MED14: variants seen among roughly 807,000 people sequenced by gnomAD.
The protein encoded by MED14 is mediator complex subunit 14, also known as mediator of RNA polymerase II transcription subunit 14.
Under a neutral mutation model 109.0 loss-of-function variants are expected in MED14, and 8 were observed. The ratio of observed to expected loss-of-function variants is 0.07; its 90% CI spans 0.04 to 0.13. The LOEUF (loss-of-function observed/expected upper bound fraction) is 0.13. MED14 is among the 10% of genes least tolerant of loss of function. The probability of loss-of-function intolerance (pLI) is 1.00; values close to 1 mark genes in which losing one functional copy is unlikely to be tolerated. For missense variants in MED14, 711 were observed against 1,142.4 expected (o/e 0.62, Z 5.44); for synonymous variants, 399 against 408.7 (o/e 0.98, Z 0.29).
chrX:40,713,081 T>C (rs1931390195), intron 5 of MED14, 39 bp from the exon 6 acceptor site: 7 of 1,110,239 alleles, frequency 6.3e-6, no homozygotes, highest in Non-Finnish European at 8.4e-6. Context: ...AAGTGTACTT[T>C]GCTAGAAAAT....
chrX:40,662,519 G>T (rs1401007531), intron 26 of MED14, among the ~76,000 whole-genome samples: 2 of 111,577 alleles, frequency 1.8e-5, no homozygotes, highest in Non-Finnish European at 3.8e-5. Context: ...ACCACACCCA[G>T]CCAATTATTT....
chrX:40,654,721 ATGCAACTG>A (rs1348060797), intron 29 of MED14, among the ~76,000 whole-genome samples, 165 bp from the exon 30 acceptor site: 1 of 112,509 alleles, frequency 8.9e-6, no homozygotes, highest in African/African-American at 3.2e-5. Flanking sequence ...TATGGTTAAG[ATGCAACTG>A]TGCTACACAA....
In MED14 at chrX:40,711,729, T is replaced by C. The variant is rs1931343108; in HGVS notation, c.890-428A>G. Among the ~76,000 whole-genome samples, 4 of 109,169 alleles carry C rather than the reference T, an allele frequency of 3.7e-5. No homozygotes were observed. The Admixed American group carries it at 3.9e-4, about 11-fold the overall frequency. 94.8% of individuals were successfully genotyped at this position (109,169 alleles called of 115,157 possible). A position where few individuals can be genotyped will look rare whatever the true frequency, so the allele number is the denominator to read the frequency against. ...CCTCTGCTTCCTGGGTTCAAGCGAT[T>C]CTCCTGTCTCAGGCTCCCTAGTAGC... On this transcript the variant is annotated intron_variant, in intron 7 of 30. Coordinates refer to ENST00000324817, the MANE Select transcript of MED14 (RefSeq NM_004229.4).
intron 3 of MED14, among the ~76,000 whole-genome samples, chrX:40,720,272 A>G (rs1230953364): frequency 8.9e-6 from 1 of 112,228 alleles, no homozygotes; most frequent in Non-Finnish European, 1.9e-5. Flanking sequence ...TGAAAGAGGC[A>G]TTGAGGAGGG....
At position 40,666,941 on chromosome X, in the gene MED14, A is replaced by C. The variant is rs1462868499; in HGVS notation, c.3134-90T>G. On this transcript the variant is annotated intron_variant, in intron 23 of 30. Coordinates refer to ENST00000324817, the MANE Select transcript of MED14 (RefSeq NM_004229.4). ...CAAGTTAAAAATCTCCCTATAAATT[A>C]AAGAAACAAGTAGTATAGCTCCCAT... 2.0e-5 allele frequency: 17 copies of C among 842,687 alleles called. No homozygotes were observed. The African/African-American group carries it at 3.5e-4, about 17-fold the overall frequency. The allele number at this position is 842,687 out of a possible 1,213,427, so 69.4% of individuals were successfully genotyped here.
At chrX:40,735,800 T>C (rs1317907381), upstream of MED14, 2 of 347,298 alleles carry the variant, frequency 5.8e-6, no homozygotes, top group Admixed American at 6.1e-5. Flanking sequence ...GGTCTGTGTC[T>C]GTTCTCTCAG....
intron 16 of MED14, among the ~76,000 whole-genome samples, chrX:40,683,323 G>A (rs1417397902): frequency 1.8e-5 from 2 of 111,345 alleles, no homozygotes; most frequent in Non-Finnish European, 3.8e-5. Context: ...AAAAGCTAAG[G>A]GGACCAAATC....
chrX:40,699,303 C>T (rs991993610), intron 12 of MED14, among the ~76,000 whole-genome samples: 8 of 112,222 alleles, frequency 7.1e-5, no homozygotes, highest in African/African-American at 2.6e-4. Flanking sequence ...ATGTCCTACA[C>T]GTTCTAAAAG....
chrX:40,693,773 A>T (rs893929251), intron 13 of MED14, among the ~76,000 whole-genome samples: 1 of 111,504 alleles, frequency 9.0e-6, no homozygotes, highest in Non-Finnish European at 1.9e-5. Flanking sequence ...CAACTGAAAA[A>T]TATGGTCACT....
intron 7 of MED14, among the ~76,000 whole-genome samples, chrX:40,711,758 G>C (rs1192940269): frequency 9.3e-6 from 1 of 107,808 alleles, no homozygotes; most frequent in African/African-American, 3.4e-5. Context: ...TAGTAGCTGG[G>C]ATTACAGGTG....
In MED14 at chrX:40,670,677, C is replaced by T. The variant is rs940145478; in HGVS notation, c.3133+1184G>A. On this transcript the variant is annotated intron_variant, in intron 23 of 30. Transcript: ENST00000324817. ...TCGGGAGGCTGAGGCAGGAGAATGGCGTGAACCCGGGAAGCGGAGCTTGCA... is the reference window on the plus strand; with the variant it reads ...TCGGGAGGCTGAGGCAGGAGAATGGTGTGAACCCGGGAAGCGGAGCTTGCA... Among the ~76,000 whole-genome samples the T allele has an allele frequency of 5.5e-5, 6 of 109,483 alleles. No individual in the cohort carries two copies. The East Asian group carries it at 1.4e-3, about 26-fold the overall frequency.
At chrX:40,708,753 T>G (rs750269201) in intron 10 of MED14, among the ~76,000 whole-genome samples, 56 of 111,895 alleles carry the variant, frequency 5.0e-4, no homozygotes, top group African/African-American at 1.5e-3. Flanking sequence ...ACTTGGAAGA[T>G]TTTTCACTAT....
chrX:40,734,085 T>C (rs750620547), intron 1 of MED14, among the ~76,000 whole-genome samples: 11 of 112,154 alleles, frequency 9.8e-5, no homozygotes, highest in East Asian at 8.4e-4. Flanking sequence ...ACATTTTTTT[T>C]CCCACAGCTC....
intron 29 of MED14, 91 bp downstream of exon 29, chrX:40,654,844 T>C (rs1479255163): frequency 3.8e-6 from 4 of 1,062,360 alleles, no homozygotes; most frequent in Non-Finnish European, 5.1e-6. Flanking sequence ...CAACAAGAGA[T>C]AATTTATGCA....
chrX:40,681,983 T>C (rs756477354), intron 18 of MED14, 40 bp from the exon 19 acceptor site: 14 of 677,055 alleles, frequency 2.1e-5, no homozygotes, highest in South Asian at 3.8e-5. Context: ...ATATTATACA[T>C]GTAAAATTTT....
At chrX:40,675,686 G>T (rs1472358472) in intron 21 of MED14, among the ~76,000 whole-genome samples, 1 of 112,100 alleles carries the variant, frequency 8.9e-6, no homozygotes, top group Non-Finnish European at 1.9e-5. Flanking sequence ...GGTAAAAAAT[G>T]AAAAGCATAT....
At chrX:40,724,316 T>C (rs773746455) in intron 3 of MED14, among the ~76,000 whole-genome samples, 14 of 112,709 alleles carry the variant, frequency 1.2e-4, no homozygotes, top group Admixed American at 1.9e-4. Flanking sequence ...GAACTTAATC[T>C]GCACTGTGGA....
chrX:40,670,464 T>A (rs1929680359), intron 23 of MED14, among the ~76,000 whole-genome samples: 1 of 112,561 alleles, frequency 8.9e-6, no homozygotes, highest in Non-Finnish European at 1.9e-5. Context: ...AGAATTTTTG[T>A]ATTTTATAAA....
intron 16 of MED14, among the ~76,000 whole-genome samples, chrX:40,683,372 C>G (rs1435789085): frequency 9.0e-6 from 1 of 111,714 alleles, no homozygotes; most frequent in East Asian, 2.8e-4. Context: ...TGATATAGTA[C>G]AAAGAATAAG....
Sources: allele counts gnomAD v4.1 joint callset (sites outside exome capture counted in the v4.1 genomes callset), GRCh38; gene constraint gnomAD v4.1.1; transcripts MANE v1.5; gene names NCBI Gene and HGNC (gene_info 2026-07-23, HGNC 2026-07-21).